DLGAP1: variants seen among roughly 807,000 people sequenced by gnomAD.
The protein encoded by DLGAP1 is disks large-associated protein 1.
Under a neutral mutation model 90.8 loss-of-function variants are expected in DLGAP1, and 11 were observed. The ratio of observed to expected loss-of-function variants is 0.12; its 90% CI spans 0.08 to 0.20. The LOEUF (loss-of-function observed/expected upper bound fraction) is 0.20, where lower values mean the gene tolerates loss of function less well. Among genes scored for constraint, DLGAP1 ranks in the 10% least tolerant of loss-of-function variants. The pLI is 1.00. For missense variants in DLGAP1, 1,050 were observed against 1,333.8 expected (o/e 0.79, Z 3.31); for synonymous variants, 558 against 540.7 (o/e 1.03, Z -0.44).
intron 1 of DLGAP1, among the ~76,000 whole-genome samples, chr18:4,289,860 T>C (rs1156439192): frequency 6.6e-6 from 1 of 152,174 alleles, no homozygotes; most frequent in African/African-American, 2.4e-5. Flanking sequence ...AAGAGCTCTG[T>C]ACAGTAAATG....
At chr18:3,587,203 C>G (rs568883120) in intron 7 of DLGAP1, among the ~76,000 whole-genome samples, 1 of 151,942 alleles carries the variant, frequency 6.6e-6, no homozygotes, top group Non-Finnish European at 1.5e-5. Flanking sequence ...TACAGGCCTG[C>G]GCCACCATGC....
chr18:4,278,407 C>A (rs1051404140), intron 1 of DLGAP1, among the ~76,000 whole-genome samples: 10 of 151,958 alleles, frequency 6.6e-5, no homozygotes, highest in Non-Finnish European at 1.3e-4. Context: ...TACATTGTAC[C>A]CACTAAATAA....
chr18:3,603,959 AAAAAGT>A (rs1370177799), intron 7 of DLGAP1: 1 of 154,422 alleles, frequency 6.5e-6, no homozygotes, highest in Admixed American at 6.5e-5. Flanking sequence ...AGAGGCAGGA[AAAAAGT>A]TCCTTTGACC....
At chr18:3,511,129 G>T (rs986724851) in intron 10 of DLGAP1, among the ~76,000 whole-genome samples, 1 of 152,168 alleles carries the variant, frequency 6.6e-6, no homozygotes, top group Non-Finnish European at 1.5e-5. Context: ...GGCCCAGGGT[G>T]GGGAGATGAC....
intron 5 of DLGAP1, among the ~76,000 whole-genome samples, chr18:3,791,574 G>A (rs1010467229): frequency 6.6e-6 from 1 of 152,062 alleles, no homozygotes; most frequent in African/African-American, 2.4e-5. Context: ...GAGATGGATT[G>A]ATAGAAATCT....
chr18:4,341,688 A>G (rs2081192209), intron 1 of DLGAP1, among the ~76,000 whole-genome samples: 1 of 152,168 alleles, frequency 6.6e-6, no homozygotes, highest in Admixed American at 6.5e-5. Context: ...CTTACAGACT[A>G]TCAAGAAGTA....
chr18:3,897,778 A>ATTT (rs869170460), intron 3 of DLGAP1, among the ~76,000 whole-genome samples: 12 of 94,476 alleles, frequency 1.3e-4, no homozygotes, highest in Non-Finnish European at 1.6e-4. Context: ...CGAATTTCTG[A>ATTT]TTTTTTTTTT....
intron 1 of DLGAP1, among the ~76,000 whole-genome samples, chr18:4,418,295 A>G (rs552042569): frequency 3.3e-5 from 5 of 152,326 alleles, no homozygotes; most frequent in African/African-American, 1.2e-4. Context: ...CAATAAAAAC[A>G]TAAAGTATAT....
rs2076670043 is a variant in DLGAP1 at position 4,151,181 on chromosome 18, T to C, written c.-160A>G. ...AAGGGGGAAAGGGGGCAGTTTTACC[T>C]TTGATTATCAATTGTCCATTTTCCT... On this transcript the variant is annotated splice_region_variant and 5_prime_UTR_variant, in exon 2 of 13. Transcript: ENST00000315677. 1.3e-5 allele frequency: 2 copies of C among 152,228 alleles called. No homozygotes were observed. Among genetic ancestry groups the C allele is most frequent in the African/African-American group, 2.4e-5 (1 of 41,458 alleles). 9.4% of individuals were successfully genotyped at this position (152,228 alleles called of 1,614,324 possible). A position where few individuals can be genotyped will look rare whatever the true frequency, so the allele number is the denominator to read the frequency against.
rs572402960 is a variant in DLGAP1 at position 3,848,672 on chromosome 18, A to C, written c.957+30440T>G. ...TTCTACGCAGGTCAGAAACCTGGGT[A>C]CTCTTTTTGGACACTTCCCTCTCCT... On this transcript the variant is annotated intron_variant, in intron 4 of 12. Transcript: ENST00000315677. Among the ~76,000 whole-genome samples, 88 of 152,124 alleles carry C rather than the reference A, an allele frequency of 5.8e-4. No individual in the cohort carries two copies. In the South Asian group the frequency reaches 0.017, roughly 30 times the overall value.
chr18:3,861,861 C>T (rs2070084617), intron 4 of DLGAP1, among the ~76,000 whole-genome samples: 1 of 152,214 alleles, frequency 6.6e-6, no homozygotes, highest in South Asian at 2.1e-4. Flanking sequence ...CCACCAATGG[C>T]ATTGTTCTGA....
chr18:3,926,421 TAC>T (rs1333605478), intron 3 of DLGAP1, among the ~76,000 whole-genome samples: 105 of 129,680 alleles, frequency 8.1e-4, no homozygotes, highest in East Asian at 4.7e-3. Context: ...TATATATATA[TAC>T]ACACACACAC....
intron 4 of DLGAP1, among the ~76,000 whole-genome samples, chr18:3,847,494 G>C (rs979163295): frequency 6.6e-6 from 1 of 152,022 alleles, no homozygotes; most frequent in Non-Finnish European, 1.5e-5. Flanking sequence ...AGAGGAAGAA[G>C]AGAATAAAGA....
intron 7 of DLGAP1, among the ~76,000 whole-genome samples, chr18:3,668,722 G>C (rs966805555): frequency 6.6e-6 from 1 of 152,212 alleles, no homozygotes; most frequent in African/African-American, 2.4e-5. Flanking sequence ...GCTTGGCCCA[G>C]TGCACTGGCT....
chr18:3,911,335 C>T (rs1223929405), intron 3 of DLGAP1, among the ~76,000 whole-genome samples: 1 of 151,956 alleles, frequency 6.6e-6, no homozygotes, highest in Non-Finnish European at 1.5e-5. Context: ...TTAAATAAAC[C>T]CTTTTTCTGA....
intron 2 of DLGAP1, among the ~76,000 whole-genome samples, chr18:4,066,027 T>C (rs1351643422): frequency 6.6e-6 from 1 of 152,042 alleles, no homozygotes; most frequent in Non-Finnish European, 1.5e-5. Flanking sequence ...CCTACAAGTA[T>C]CTGATCTTCT....
At chr18:3,516,204 T>C (rs2050835789) in intron 10 of DLGAP1, among the ~76,000 whole-genome samples, 1 of 152,158 alleles carries the variant, frequency 6.6e-6, no homozygotes, top group African/African-American at 2.4e-5. Context: ...GGTGATTCCT[T>C]TCCAGAAGTT....
intron 6 of DLGAP1, among the ~76,000 whole-genome samples, chr18:3,736,283 T>G (rs2147555898): frequency 6.6e-6 from 1 of 152,338 alleles, no homozygotes; most frequent in African/African-American, 2.4e-5. Flanking sequence ...CAAGCCCTAC[T>G]TTAAAAGCCC....
intron 7 of DLGAP1, among the ~76,000 whole-genome samples, chr18:3,715,677 T>C (rs1187397166): frequency 6.6e-6 from 1 of 152,154 alleles, no homozygotes; most frequent in African/African-American, 2.4e-5. Flanking sequence ...ACAGAAACCT[T>C]TTTTTCTTAC....
Sources: gnomAD v4.1 joint callset for allele counts (sites outside exome capture counted in the v4.1 genomes callset) on GRCh38, gnomAD v4.1.1 for gene constraint, MANE v1.5 for transcripts, NCBI Gene and HGNC (gene_info 2026-07-23, HGNC 2026-07-21) for gene names.